The following FGF14 variants were observed in gnomAD, a reference collection of about 807,000 sequenced individuals.
The protein encoded by FGF14 is fibroblast growth factor homologous factor 4.
In FGF14, 5 loss-of-function variants were observed where a neutral mutation model predicts 25.5. The observed-to-expected ratio is 0.20, with a 90% CI of 0.10 to 0.41. FGF14 has a LOEUF of 0.41. FGF14 is among the 10% of genes least tolerant of loss of function. The pLI is 1.00. For missense variants in FGF14, 222 were observed against 320.1 expected, an observed-to-expected ratio of 0.69 and a Z score of 2.34; for synonymous variants, 138 against 118.3, an observed-to-expected ratio of 1.17 and a Z score of -1.08.
At chr13:102,326,086 A>G (rs942328941) in intron 1 of FGF14, among the ~76,000 whole-genome samples, 2 of 152,220 alleles carry the variant, frequency 1.3e-5, no homozygotes, top group Non-Finnish European at 2.9e-5. Context: ...ATGAATTCAG[A>G]TCACTATGAG....
At chr13:101,827,468 T>C (rs1321064305) in intron 3 of FGF14, among the ~76,000 whole-genome samples, 1 of 151,960 alleles carries the variant, frequency 6.6e-6, no homozygotes, top group Non-Finnish European at 1.5e-5. Flanking sequence ...ATCATCCTTA[T>C]TTAAAACCAT....
At chr13:102,239,086 AC>A (rs2051463892) in intron 1 of FGF14, among the ~76,000 whole-genome samples, 1 of 151,166 alleles carries the variant, frequency 6.6e-6, no homozygotes, top group Non-Finnish European at 1.5e-5. Context: ...TTAAAAAAAA[AC>A]AAAAAACAAA....
intron 1 of FGF14, among the ~76,000 whole-genome samples, chr13:102,006,803 G>GGC (rs1268875521): frequency 3.0e-5 from 4 of 135,446 alleles, no homozygotes; most frequent in Non-Finnish European, 6.1e-5. Context: ...GGACTGCAGT[G>GGC]GCGCAATCTC....
chr13:102,148,402 T>C (rs1383806596), intron 1 of FGF14, among the ~76,000 whole-genome samples: 1 of 152,240 alleles, frequency 6.6e-6, no homozygotes, highest in Non-Finnish European at 1.5e-5. Flanking sequence ...GGTTCAATAT[T>C]GCCCTTTTAA....
intron 1 of FGF14, among the ~76,000 whole-genome samples, chr13:101,931,306 C>T (rs946871121): frequency 2.0e-5 from 3 of 152,134 alleles, no homozygotes; most frequent in Non-Finnish European, 4.4e-5. Context: ...TTCTCCCTCA[C>T]GCTGTCTCAG....
intron 1 of FGF14, among the ~76,000 whole-genome samples, chr13:102,325,044 T>A (rs936493064): frequency 6.6e-6 from 1 of 151,916 alleles, no homozygotes; most frequent in African/African-American, 2.4e-5. Flanking sequence ...AAGATTTTTT[T>A]AAAAAAAGAG....
At chr13:101,748,318 T>C (rs1354087666) in intron 3 of FGF14, among the ~76,000 whole-genome samples, 1 of 151,868 alleles carries the variant, frequency 6.6e-6, no homozygotes, top group Non-Finnish European at 1.5e-5. Context: ...AAGAATGAAA[T>C]TATATATTTT....
At chr13:101,946,331 A>G (rs1285992416) in intron 1 of FGF14, among the ~76,000 whole-genome samples, 2 of 132,912 alleles carry the variant, frequency 1.5e-5, no homozygotes, top group South Asian at 2.6e-4. Flanking sequence ...TGCCCTTCTG[A>G]TTTCATTTAA....
chr13:102,025,343 T>C (rs1406961279), intron 1 of FGF14, among the ~76,000 whole-genome samples: 1 of 151,992 alleles, frequency 6.6e-6, no homozygotes, highest in Non-Finnish European at 1.5e-5. Context: ...AAACATGGGA[T>C]GTCTTTCTAT....
intron 1 of FGF14, among the ~76,000 whole-genome samples, chr13:102,050,648 G>A (rs1345644455): frequency 6.6e-6 from 1 of 152,112 alleles, no homozygotes; most frequent in Non-Finnish European, 1.5e-5. Context: ...TCACAAATAT[G>A]GCAGAGTAAG....
intron 3 of FGF14, among the ~76,000 whole-genome samples, chr13:101,731,303 G>A (rs1281244850): frequency 1.3e-5 from 2 of 152,024 alleles, no homozygotes; most frequent in East Asian, 1.9e-4. Context: ...CTGCCAAAAC[G>A]AGATCGATAA....
chr13:102,319,702 T>C (rs1171585346), intron 1 of FGF14, among the ~76,000 whole-genome samples: 3 of 152,244 alleles, frequency 2.0e-5, no homozygotes, highest in Admixed American at 1.3e-4. Context: ...CGGTTGCTTG[T>C]GTTCTTCTAT....
At chr13:102,297,171 C>T (rs2054759178) in intron 1 of FGF14, among the ~76,000 whole-genome samples, 1 of 152,074 alleles carries the variant, frequency 6.6e-6, no homozygotes, top group African/African-American at 2.4e-5. Context: ...CCCCCCAGAA[C>T]CCATAATACT....
chr13:101,957,850 CAT>C (rs1364441566), intron 1 of FGF14, among the ~76,000 whole-genome samples: 53 of 151,944 alleles, frequency 3.5e-4, no homozygotes, highest in African/African-American at 1.2e-3. Context: ...TATATGATCA[CAT>C]GTGTGTTCAA....
At chr13:102,044,665 T>G (rs9557793) in intron 1 of FGF14, among the ~76,000 whole-genome samples, 64,875 of 151,870 alleles carry the variant, frequency 0.43, 14,362 homozygotes, top group East Asian at 0.73. Context: ...AAACCCATGA[T>G]CTCTCAAAGC....
At chr13:102,182,898 A>G (rs1028749833) in intron 1 of FGF14, among the ~76,000 whole-genome samples, 1 of 152,162 alleles carries the variant, frequency 6.6e-6, no homozygotes. Flanking sequence ...GCATCTAAAA[A>G]CTTGATTTGT....
chr13:101,913,426 G>A (rs1170232657), intron 1 of FGF14, among the ~76,000 whole-genome samples: 1 of 152,084 alleles, frequency 6.6e-6, no homozygotes, highest in Non-Finnish European at 1.5e-5. Flanking sequence ...GGGTGATGGA[G>A]ATAGGAAAGA....
intron 1 of FGF14, among the ~76,000 whole-genome samples, chr13:102,389,752 G>C (rs953599988): frequency 6.6e-6 from 1 of 152,148 alleles, no homozygotes; most frequent in Non-Finnish European, 1.5e-5. Flanking sequence ...AATCCGCTGT[G>C]AGCAAGCATC....
At chr13:102,365,940 A>G (rs1266511873) in intron 1 of FGF14, among the ~76,000 whole-genome samples, 1 of 152,098 alleles carries the variant, frequency 6.6e-6, no homozygotes, top group Non-Finnish European at 1.5e-5. Flanking sequence ...ATGTTGTTTG[A>G]TCTAAACAAT....
Sources: allele counts gnomAD v4.1 joint callset (sites outside exome capture counted in the v4.1 genomes callset), GRCh38; gene constraint gnomAD v4.1.1; transcripts MANE v1.5; gene names NCBI Gene and HGNC (gene_info 2026-07-23, HGNC 2026-07-21).